The following XKR6 variants were observed in gnomAD, a reference collection of about 807,000 sequenced individuals.
XKR6 encodes the protein XK related 6.
A neutral mutation model predicts 56.7 loss-of-function variants in XKR6; 22 were observed. The ratio of observed to expected loss-of-function variants is 0.39; its 90% confidence interval spans 0.28 to 0.55. The LOEUF is 0.55. Ranked by LOEUF, XKR6 falls within the 20% of genes least tolerant of loss-of-function variation. The pLI is 0.66. For synonymous variants in XKR6, 524 were observed against 387.8 expected (o/e 1.35, Z -4.13); for missense variants, 852 against 889.0 (o/e 0.96, Z 0.53).
At chr8:11,178,281 A>G (rs909213298) in intron 1 of XKR6, among the ~76,000 whole-genome samples, 1 of 152,246 alleles carries the variant, frequency 6.6e-6, no homozygotes, top group East Asian at 1.9e-4. Flanking sequence ...AACTGTAGCA[A>G]CCTCAAGGAT....
At chr8:11,017,606 G>A (rs545809490) in intron 1 of XKR6, among the ~76,000 whole-genome samples, 1 of 152,376 alleles carries the variant, frequency 6.6e-6, no homozygotes, top group South Asian at 2.1e-4. Flanking sequence ...GAGAGGGGCT[G>A]ACATTATGGT....
chr8:11,171,239 GTGC>G (rs1365742731), intron 1 of XKR6, among the ~76,000 whole-genome samples: 8 of 152,342 alleles, frequency 5.3e-5, no homozygotes, highest in Admixed American at 2.6e-4. Flanking sequence ...ATTACAAATG[GTGC>G]TGCTTTTATC....
In XKR6 at chr8:10,931,003, T is replaced by C. The variant is rs559772981; in HGVS notation, c.765-6173A>G. Among the ~76,000 whole-genome samples the C allele has an allele frequency of 7.9e-5, 12 of 152,282 alleles. No homozygotes were observed. The East Asian group carries it at 1.2e-3, about 15-fold the overall frequency. On this transcript the variant is annotated intron_variant, in intron 1 of 2. Transcript: ENST00000416569. ...GAAGAGGTAAAACTGTCCCTATTTG[T>C]AAATGACATGATTGTCTAGATTGAA... is the stretch of plus-strand genomic sequence containing the variant.
intron 1 of XKR6, among the ~76,000 whole-genome samples, chr8:10,996,713 A>T (rs1190803920): frequency 6.6e-6 from 1 of 152,170 alleles, no homozygotes; most frequent in African/African-American, 2.4e-5. Context: ...GAAAGAAGAC[A>T]CTAACAAGAA....
intron 1 of XKR6, among the ~76,000 whole-genome samples, chr8:10,989,405 G>A (rs778600900): frequency 2.2e-4 from 33 of 152,124 alleles, no homozygotes; most frequent in South Asian, 4.2e-4. Flanking sequence ...TAACTAGCCC[G>A]AAATCACAAA....
At chr8:11,033,460 G>T (rs1484878005) in intron 1 of XKR6, among the ~76,000 whole-genome samples, 2 of 151,620 alleles carry the variant, frequency 1.3e-5, no homozygotes, top group Non-Finnish European at 2.9e-5. Flanking sequence ...GATGATGATG[G>T]TAATGATGGT....
chr8:11,037,466 C>T (rs1799174711), intron 1 of XKR6, among the ~76,000 whole-genome samples: 1 of 152,212 alleles, frequency 6.6e-6, no homozygotes, highest in African/African-American at 2.4e-5. Context: ...ATCTAGCGAT[C>T]CACCCACCTC....
At chr8:11,088,117 T>C (rs139608963) in intron 1 of XKR6, among the ~76,000 whole-genome samples, 367 of 152,308 alleles carry the variant, frequency 2.4e-3, no homozygotes, top group African/African-American at 8.6e-3. Flanking sequence ...CTAAGAAAAT[T>C]CTATTCAGTG....
intron 1 of XKR6, among the ~76,000 whole-genome samples, chr8:11,144,898 A>AGAAGGG (rs1377168331): frequency 6.9e-6 from 1 of 144,510 alleles, no homozygotes; most frequent in African/African-American, 2.6e-5. Context: ...AAGGGGAAGG[A>AGAAGGG]GAAGGGGAAG....
chr8:11,108,318 A>G (rs1392690805), intron 1 of XKR6: 2 of 456,292 alleles, frequency 4.4e-6, no homozygotes, highest in South Asian at 1.5e-5. Flanking sequence ...AAGTGTTATG[A>G]AACAACAGAA....
At chr8:11,054,346 G>A (rs138360480) in intron 1 of XKR6, among the ~76,000 whole-genome samples, 120 of 152,346 alleles carry the variant, frequency 7.9e-4, no homozygotes, top group African/African-American at 2.8e-3. Flanking sequence ...ACCACCAGAA[G>A]CTGCAAGGCC....
chr8:11,026,922 T>C (rs996933260), intron 1 of XKR6, among the ~76,000 whole-genome samples: 7 of 152,106 alleles, frequency 4.6e-5, no homozygotes, highest in Non-Finnish European at 1.0e-4. Context: ...CTAGATAGTC[T>C]AGCCTACTAC....
At chr8:10,913,180 T>A (rs950194167) in intron 2 of XKR6, among the ~76,000 whole-genome samples, 1 of 151,886 alleles carries the variant, frequency 6.6e-6, no homozygotes, top group African/African-American at 2.4e-5. Flanking sequence ...ATAGTCTCTA[T>A]ATTTATACTC....
intron 1 of XKR6, among the ~76,000 whole-genome samples, chr8:11,045,150 G>A (rs768969472): frequency 4.1e-5 from 5 of 120,926 alleles, no homozygotes; most frequent in Admixed American, 1.1e-4. Context: ...GCAGTGGCAC[G>A]ATCTCAGCTC....
At position 11,147,932 on chromosome 8, in the gene XKR6, G is replaced by A. The variant is rs1426429774; in HGVS notation, c.764+52644C>T. 3.3e-5 allele frequency among the ~76,000 whole-genome samples: 5 copies of A among 151,882 alleles called. No individual in the cohort carries two copies. The East Asian group carries it at 7.8e-4, about 24-fold the overall frequency. ...AGGTAATTAAGCTAAAATGAGGGCC[G>A]GGTGCAGTGGCTTACACCTGTAATC... On this transcript the variant is annotated intron_variant, in intron 1 of 2. Coordinates refer to ENST00000416569, the MANE Select transcript of XKR6 (RefSeq NM_173683.4).
intron 1 of XKR6, among the ~76,000 whole-genome samples, chr8:11,102,910 G>C (rs1234747694): frequency 6.6e-6 from 1 of 152,098 alleles, no homozygotes; most frequent in African/African-American, 2.4e-5. Flanking sequence ...AACCTATAAG[G>C]TGGTCATCAA....
At chr8:10,929,066 C>T (rs1800984354) in intron 1 of XKR6, among the ~76,000 whole-genome samples, 1 of 152,194 alleles carries the variant, frequency 6.6e-6, no homozygotes, top group Admixed American at 6.5e-5. Flanking sequence ...GGCTGGGCCC[C>T]GCTATTCCCA....
At chr8:11,043,171 T>C (rs572245301) in intron 1 of XKR6, among the ~76,000 whole-genome samples, 37 of 152,118 alleles carry the variant, frequency 2.4e-4, no homozygotes, top group African/African-American at 8.2e-4. Context: ...AATATTAACT[T>C]AATTATCATA....
intron 2 of XKR6, among the ~76,000 whole-genome samples, chr8:10,922,547 C>T (rs1013488202): frequency 6.6e-6 from 1 of 152,236 alleles, no homozygotes; most frequent in South Asian, 2.1e-4. Flanking sequence ...CAGAATCAAT[C>T]ATCATGTGAG....
Sources: allele counts gnomAD v4.1 joint callset (sites outside exome capture counted in the v4.1 genomes callset), GRCh38; gene constraint gnomAD v4.1.1; transcripts MANE v1.5; gene names NCBI Gene and HGNC (gene_info 2026-07-23, HGNC 2026-07-21).